DMXL1: variants seen among roughly 807,000 people sequenced by gnomAD.
DMXL1 encodes dmX-like protein 1.
In DMXL1, 99 loss-of-function variants were observed where a neutral mutation model predicts 319.2. The ratio of observed to expected loss-of-function variants is 0.31; its 90% CI spans 0.26 to 0.37. The LOEUF is 0.37. DMXL1 is among the 10% of genes least tolerant of loss of function. The probability of loss-of-function intolerance (pLI) is 1.00; values close to 1 mark genes in which losing one functional copy is unlikely to be tolerated. For missense variants in DMXL1, 3,745 were observed against 3,595.6 expected, an observed-to-expected ratio of 1.04 and a Z score of -1.06; for synonymous variants, 1,385 against 1,235.2, an observed-to-expected ratio of 1.12 and a Z score of -2.54.
intron 28 of DMXL1, among the ~76,000 whole-genome samples, chr5:119,179,325 C>T (rs1024268200): frequency 6.7e-6 from 1 of 148,764 alleles, no homozygotes. Flanking sequence ...AAAAAAAAGC[C>T]CTATGCATAC....
intron 6 of DMXL1, 72 bp downstream of exon 6, chr5:119,114,613 G>C: frequency 1.0e-6 from 1 of 952,896 alleles, no homozygotes; most frequent in Non-Finnish European, 1.6e-6. Flanking sequence ...ACATCAACTG[G>C]CTTCATTCTT....
chr5:119,097,914 C>T (rs1280076000), intron 1 of DMXL1, 65 bp from the exon 2 acceptor site: 2 of 1,315,650 alleles, frequency 1.5e-6, no homozygotes, highest in African/African-American at 3.0e-5. Flanking sequence ...ATAGTTAATA[C>T]TAGTATTCTA....
At chr5:119,233,550 C>T (rs1010829698) in intron 39 of DMXL1, 83 bp downstream of exon 39, 1 of 1,141,430 alleles carries the variant, frequency 8.8e-7, no homozygotes, top group Non-Finnish European at 1.3e-6. Context: ...CTGAAAAGAA[C>T]AGCTCCGTGG....
At chr5:119,106,530 A>G (rs1378243076) in intron 4 of DMXL1, among the ~76,000 whole-genome samples, 10 of 152,188 alleles carry the variant, frequency 6.6e-5, no homozygotes, top group Non-Finnish European at 1.5e-4. Context: ...TGGTAAGGAG[A>G]TAAGACCTTA....
chr5:119,142,251 A>G (rs1767545100), intron 13 of DMXL1, among the ~76,000 whole-genome samples: 2 of 152,156 alleles, frequency 1.3e-5, no homozygotes, highest in African/African-American at 4.8e-5. Context: ...CAGAGTAAAT[A>G]GACAACCTAC....
intron 1 of DMXL1, among the ~76,000 whole-genome samples, chr5:119,094,448 G>C (rs1159986453): frequency 2.6e-5 from 4 of 152,168 alleles, no homozygotes; most frequent in Non-Finnish European, 2.9e-5. Context: ...TGAGAAAAAA[G>C]ATTTCCTTTC....
chr5:119,232,877 A>G (rs1787037895), intron 38 of DMXL1, among the ~76,000 whole-genome samples: 1 of 151,938 alleles, frequency 6.6e-6, no homozygotes, highest in Non-Finnish European at 1.5e-5. Context: ...TATTAGGCCA[A>G]TCAGGATAAC....
Position 119,134,103 on chromosome 5 carries a change from C to T in DMXL1, c.2179C>T (p.Arg727Trp), listed in dbSNP as rs1765492995. Reference protein sequence around the residue: ...SFSGGVSELARINSLHVSAFS... With the variant: ...SFSGGVSELAWINSLHVSAFS... ...TTCTGGAGGAGTTTCTGAGCTTGCC[C>T]GGATTAATTCTCTTCATGTTTCTGC... is the stretch of plus-strand genomic sequence containing the variant. Residue 727 changes from arginine (R) to tryptophan (W), a missense_variant, in exon 12 of 44, where the codon CGG becomes TGG. Arg to Trp is a moderately radical substitution (Grantham distance 101, BLOSUM62 -3). Around this residue, in one of 4 missense-constraint regions of DMXL1, gnomAD observed 2,096 missense variants for 1,985.4 expected, o/e 1.06. Coordinates refer to ENST00000539542, the MANE Select transcript of DMXL1 (RefSeq NM_001290321.3). The T allele has an allele frequency of 3.1e-6, 5 of 1,613,978 alleles. No homozygotes were observed. The highest frequency in any genetic ancestry group is 2.2e-5 in the East Asian group (1 of 44,886).
At chr5:119,077,257 C>T (rs777205542) in intron 1 of DMXL1, among the ~76,000 whole-genome samples, 1 of 152,104 alleles carries the variant, frequency 6.6e-6, no homozygotes, top group Non-Finnish European at 1.5e-5. Context: ...CAGGTGTGCC[C>T]CACTGTGCCC....
In DMXL1 at chr5:119,147,065, G is replaced by T. The variant is rs189467401; in HGVS notation, c.2689+109G>T. The T allele has an allele frequency of 1.0e-5, 13 of 1,282,578 alleles. No individual in the cohort carries two copies. In the East Asian group the frequency reaches 2.6e-4, roughly 26 times the overall value. 79.4% of individuals were successfully genotyped at this position (1,282,578 alleles called of 1,614,324 possible). A position where few individuals can be genotyped will look rare whatever the true frequency, so the allele number is the denominator to read the frequency against. ...TTCTTAAAGCCATTCTCATTAAATGGTGATAACTGTAGATTATTCAATTAA... is the reference window on the plus strand; with the variant it reads ...TTCTTAAAGCCATTCTCATTAAATGTTGATAACTGTAGATTATTCAATTAA... On this transcript the variant is annotated intron_variant, in intron 16 of 43. Transcript: ENST00000539542.
chr5:119,132,026 G>A (rs543894680), intron 10 of DMXL1, among the ~76,000 whole-genome samples: 2 of 152,248 alleles, frequency 1.3e-5, no homozygotes, highest in East Asian at 1.9e-4. Flanking sequence ...ATGCAGATCT[G>A]GGCATATTGT....
chr5:119,199,367 C>T (rs1211066291), intron 32 of DMXL1, among the ~76,000 whole-genome samples: 1 of 152,160 alleles, frequency 6.6e-6, no homozygotes, highest in African/African-American at 2.4e-5. Context: ...ATAGTAACCT[C>T]CAGCTCCATC....
chr5:119,097,848 A>G, intron 1 of DMXL1, 131 bp from the exon 2 acceptor site: 3 of 833,260 alleles, frequency 3.6e-6, no homozygotes, highest in East Asian at 5.9e-5. Context: ...TTTTTTTTTA[A>G]GAAAACACCT....
At chr5:119,161,395 G>C (rs937837439) in intron 19 of DMXL1, among the ~76,000 whole-genome samples, 1 of 151,046 alleles carries the variant, frequency 6.6e-6, no homozygotes, top group Non-Finnish European at 1.5e-5. Flanking sequence ...TTCTGAAGTT[G>C]GGCAGGGTTG....
In DMXL1 at chr5:119,196,352, A is replaced by C; in HGVS notation, c.7458-19A>C. 6.3e-7 allele frequency: 1 copy of C among 1,595,008 alleles called. No homozygotes were observed. Among genetic ancestry groups the C allele is most frequent in the Non-Finnish European group, 8.6e-7 (1 of 1,162,622 alleles). The stretch of plus-strand genomic sequence containing the variant: ...CCCTATAGAAATAGTTAACAGATCC[A>C]TCGTTGCTTTATTTTTAGTTGGTCC... On this transcript the variant is annotated intron_variant, in intron 30 of 43. Transcript: ENST00000539542.
At position 119,189,710 on chromosome 5, in the gene DMXL1, T is replaced by C; in HGVS notation, c.7138T>C (p.Ser2380Pro). 1 of 1,613,554 alleles carries C rather than the reference T, an allele frequency of 6.2e-7. No individual in the cohort carries two copies. Among genetic ancestry groups the C allele is most frequent in the Non-Finnish European group, 8.5e-7 (1 of 1,179,642 alleles). The part of the protein sequence containing the change: ...EQTHSKTLPV[S>P]SLVEEGEKQN... Reference sequence around the variant, plus strand: ...ACATTTTATTTTCTTTTTGTTAGTTTCTTCACTAGTTGAAGAAGGAGAAAA... The same window carrying C: ...ACATTTTATTTTCTTTTTGTTAGTTCCTTCACTAGTTGAAGAAGGAGAAAA... The change falls in exon 29 of 44, where the codon TCT becomes CCT. Residue 2380 changes from serine (S) to proline (P), a missense_variant and splice_region_variant. By Grantham distance (74) the Ser-to-Pro change is moderately conservative (BLOSUM62 -1). This residue lies in a region of DMXL1 where 1,382 missense variants were observed against 1,269.5 expected (regional missense o/e 1.09). Coordinates refer to ENST00000539542, the MANE Select transcript of DMXL1 (RefSeq NM_001290321.3).
chr5:119,072,120 A>G (rs1197051119), intron 1 of DMXL1, among the ~76,000 whole-genome samples: 1 of 152,364 alleles, frequency 6.6e-6, no homozygotes, highest in Non-Finnish European at 1.5e-5. Flanking sequence ...GCCATCAACA[A>G]CTAGCCTTGA....
chr5:119,151,859 G>T (rs1369920808), intron 18 of DMXL1, 70 bp from the exon 19 acceptor site: 2 of 878,916 alleles, frequency 2.3e-6, no homozygotes, highest in Non-Finnish European at 3.8e-6. Flanking sequence ...AATGTTATAT[G>T]CCTATATTGG....
At chr5:119,113,979 T>G (rs989385622) in intron 5 of DMXL1, among the ~76,000 whole-genome samples, 4 of 152,170 alleles carry the variant, frequency 2.6e-5, no homozygotes, top group African/African-American at 9.7e-5. Context: ...GAACCAAAGT[T>G]CCTTTGAGAA....
Sources: gnomAD v4.1 joint callset for allele counts (sites outside exome capture counted in the v4.1 genomes callset) on GRCh38, gnomAD v4.1.1 for gene constraint, gnomAD v4.1.1 regional missense constraint, MANE v1.5 for transcripts, NCBI Gene and HGNC (gene_info 2026-07-23, HGNC 2026-07-21) for gene names.